The following GLI2 variants were observed in gnomAD, a reference collection of about 807,000 sequenced individuals.
GLI2 encodes GLI family zinc finger 2.
GLI2 carries 22 observed loss-of-function variants against 78.9 expected under a neutral mutation model. The ratio of observed to expected loss-of-function variants is 0.28; its 90% CI spans 0.20 to 0.40. The LOEUF (loss-of-function observed/expected upper bound fraction) is 0.40, where lower values mean the gene tolerates loss of function less well. Among genes scored for constraint, GLI2 ranks in the 10% least tolerant of loss-of-function variants. GLI2 has a pLI of 1.00. For synonymous variants in GLI2, 974 were observed against 963.7 expected (o/e 1.01, Z -0.20); for missense variants, 2,097 against 2,213.2 (o/e 0.95, Z 1.05).
intron 2 of GLI2, among the ~76,000 whole-genome samples, chr2:120,808,099 C>T (rs370802407): frequency 4.6e-5 from 7 of 152,208 alleles, no homozygotes; most frequent in African/African-American, 9.6e-5. Flanking sequence ...CCTCATCCGC[C>T]GTCTGACTTT....
At chr2:120,923,476 G>A (rs1679501265) in intron 2 of GLI2, among the ~76,000 whole-genome samples, 1 of 151,172 alleles carries the variant, frequency 6.6e-6, no homozygotes, top group African/African-American at 2.4e-5. Context: ...CACACATACA[G>A]CATACATATG....
chr2:120,926,764 G>C (rs888894688), intron 2 of GLI2, among the ~76,000 whole-genome samples: 1 of 152,206 alleles, frequency 6.6e-6, no homozygotes, highest in Non-Finnish European at 1.5e-5. Flanking sequence ...ACCCGACAGC[G>C]TTTAGGGGTC....
intron 2 of GLI2, among the ~76,000 whole-genome samples, chr2:120,874,653 G>A (rs182005387): frequency 5.9e-5 from 9 of 152,178 alleles, no homozygotes; most frequent in African/African-American, 1.9e-4. Context: ...TTGTTTTCTC[G>A]GGGCTGAAAT....
chr2:120,954,359 G>A (rs947868586), intron 4 of GLI2, among the ~76,000 whole-genome samples: 6 of 152,146 alleles, frequency 3.9e-5, no homozygotes, highest in African/African-American at 1.2e-4. Context: ...GGCTGTGGGC[G>A]ATCAGCCTGG....
intron 5 of GLI2, among the ~76,000 whole-genome samples, chr2:120,961,892 C>T (rs903049821): frequency 6.6e-6 from 1 of 152,188 alleles, no homozygotes; most frequent in Non-Finnish European, 1.5e-5. Flanking sequence ...GTCTCTGTCT[C>T]CATCAAACCT....
chr2:120,984,235 C>T lies in GLI2; in HGVS notation c.1633-236C>T, dbSNP rs3820720. Reference sequence around the variant, plus strand: ...GTGTCCCCAGCTTCTTGTGGCAGGACCCCCCGTGGCCGTGTGCTTAACTGC... The same window carrying T: ...GTGTCCCCAGCTTCTTGTGGCAGGATCCCCCGTGGCCGTGTGCTTAACTGC... On this transcript the variant is annotated intron_variant, in intron 11 of 13. Transcript: ENST00000361492. Among the ~76,000 whole-genome samples the T allele has an allele frequency of 0.61, 92,615 of 151,954 alleles. 29,816 individuals carry two copies. Among genetic ancestry groups the T allele is most frequent in the Non-Finnish European group, 0.73 (49,721 of 67,946 alleles).
intron 2 of GLI2, among the ~76,000 whole-genome samples, chr2:120,896,884 T>C (rs759654878): frequency 3.9e-5 from 6 of 152,128 alleles, no homozygotes; most frequent in Non-Finnish European, 4.4e-5. Flanking sequence ...CAAAAATGCA[T>C]AGTGTGTAAC....
chr2:120,960,758 A>T (rs1369718638), intron 5 of GLI2, among the ~76,000 whole-genome samples: 2 of 152,190 alleles, frequency 1.3e-5, no homozygotes, highest in Admixed American at 6.5e-5. Context: ...TGGGATTGGA[A>T]AGCCAAGCCC....
intron 2 of GLI2, among the ~76,000 whole-genome samples, chr2:120,926,163 A>G (rs1436595575): frequency 1.4e-5 from 2 of 141,262 alleles, no homozygotes; most frequent in African/African-American, 5.1e-5. Flanking sequence ...CATAGTATTT[A>G]TGGTATTGTA....
intron 2 of GLI2, among the ~76,000 whole-genome samples, chr2:120,845,354 G>C (rs181237383): frequency 1.4e-3 from 206 of 152,330 alleles, no homozygotes; most frequent in African/African-American, 4.3e-3. Context: ...ACGATGACAT[G>C]TCTTGTGGTT....
chr2:120,799,461 C>A (rs541033518), intron 2 of GLI2, among the ~76,000 whole-genome samples: 1 of 152,326 alleles, frequency 6.6e-6, no homozygotes, highest in South Asian at 2.1e-4. Context: ...CCTCCTCACC[C>A]ATCGCTGCTC....
intron 1 of GLI2, 103 bp from the exon 2 acceptor site, chr2:120,797,188 G>C: frequency 1.3e-6 from 1 of 792,478 alleles, no homozygotes; most frequent in East Asian, 2.5e-5. Flanking sequence ...GAATTAGAAT[G>C]AAGTTGGTTG....
chr2:120,982,874 C>T lies in GLI2; in HGVS notation c.1626C>T (p.Ser542=), dbSNP rs779153592. 1.2e-6 allele frequency: 2 copies of T among 1,613,796 alleles called. No individual in the cohort carries two copies. Among genetic ancestry groups the T allele is most frequent in the African/African-American group, 2.7e-5 (2 of 74,962 alleles). The part of the protein sequence containing the change: ...DRAKHQNRTH[S]NEKPYICKIP... ...CCAAGCACCAGAATCGCACCCACTC[C>T]AACGAGGTACCTCTGCGGGGCATGC... Residue 542 remains serine, a synonymous_variant, in exon 11 of 14, where the codon TCC becomes TCT. Transcript: ENST00000361492.
rs1684650414 is a variant in GLI2, at chr2:120,800,494, T to TTATTG, written c.148+3030_148+3031insGTATT. Among the ~76,000 whole-genome samples the TTATTG allele has an allele frequency of 1.2e-5, 1 of 84,934 alleles. No homozygotes were observed. The allele number at this position is 84,934 out of a possible 152,430, so 55.7% of individuals were successfully genotyped here. On this transcript the variant is annotated intron_variant, in intron 2 of 13. Coordinates refer to ENST00000361492, the MANE Select transcript of GLI2 (RefSeq NM_001374353.1). This position sits in a 1 kb window ranked among gnomAD's most constrained non-coding sequence, Gnocchi z 4.1. ...ATGATTTATTATTATTATTATTATT[T>TTATTG]TATTTTTTATTTTTATTTATTTATT...
intron 2 of GLI2, among the ~76,000 whole-genome samples, chr2:120,876,996 A>G (rs554040228): frequency 6.6e-6 from 1 of 152,326 alleles, no homozygotes; most frequent in Non-Finnish European, 1.5e-5. Flanking sequence ...CTGCTCACTC[A>G]GTAGGCAGCA....
intron 1 of GLI2, among the ~76,000 whole-genome samples, chr2:120,754,400 C>T (rs548988253): frequency 3.0e-4 from 45 of 152,176 alleles, no homozygotes; most frequent in Non-Finnish European, 3.2e-4. Flanking sequence ...ATCCATCATC[C>T]GCAGAAGTTT....
intron 4 of GLI2, among the ~76,000 whole-genome samples, chr2:120,953,650 C>T (rs916145130): frequency 6.6e-6 from 1 of 152,148 alleles, no homozygotes; most frequent in African/African-American, 2.4e-5. Flanking sequence ...TGGAGATGCT[C>T]AGGAAGCAGA....
At chr2:120,956,303 T>A (rs1190760847) in intron 5 of GLI2, among the ~76,000 whole-genome samples, 2 of 152,008 alleles carry the variant, frequency 1.3e-5, no homozygotes, top group Non-Finnish European at 2.9e-5. Context: ...GTAACTGAGC[T>A]GGGAGGCTAT....
intron 2 of GLI2, among the ~76,000 whole-genome samples, chr2:120,805,962 A>G (rs1239520762): frequency 6.6e-6 from 1 of 152,134 alleles, no homozygotes; most frequent in Non-Finnish European, 1.5e-5. Flanking sequence ...GGAATTATTT[A>G]TTTGTAACAA....
Sources: gnomAD v4.1 joint callset for allele counts (sites outside exome capture counted in the v4.1 genomes callset) on GRCh38, gnomAD v4.1.1 for gene constraint, Gnocchi (gnomAD v3.1) non-coding constraint, MANE v1.5 for transcripts, NCBI Gene and HGNC (gene_info 2026-07-23, HGNC 2026-07-21) for gene names.